RALYL: variants seen among roughly 807,000 people sequenced by gnomAD.
The protein encoded by RALYL is RALY RNA binding protein like.
In RALYL, 29 loss-of-function variants were observed where a neutral mutation model predicts 35.1. That is an observed-to-expected ratio of 0.83 (90% CI 0.61 to 1.13). The LOEUF (loss-of-function observed/expected upper bound fraction) is 1.13. Among genes scored for constraint, RALYL ranks in the 50% most tolerant of loss-of-function variants. RALYL has a pLI of 0.00. For synonymous variants in RALYL, 120 were observed against 127.6 expected (o/e 0.94, Z 0.40); for missense variants, 359 against 360.4 (o/e 1.00, Z 0.03).
chr8:84,670,138 A>T (rs1048339319), intron 2 of RALYL, among the ~76,000 whole-genome samples: 1 of 152,050 alleles, frequency 6.6e-6, no homozygotes, highest in South Asian at 2.1e-4. Flanking sequence ...AAAACTAATA[A>T]TAACCTCCCA....
At chr8:84,499,429 A>G (rs2056429148) in intron 1 of RALYL, among the ~76,000 whole-genome samples, 2 of 152,218 alleles carry the variant, frequency 1.3e-5, no homozygotes, top group Admixed American at 6.5e-5. Flanking sequence ...GGAAACATCG[A>G]AAATAACTGA....
At chr8:84,634,485 T>C (rs748521672) in intron 2 of RALYL, among the ~76,000 whole-genome samples, 6 of 151,918 alleles carry the variant, frequency 3.9e-5, no homozygotes, top group African/African-American at 9.7e-5. Context: ...ATATTCGTCC[T>C]ATTGGACTGT....
At chr8:84,888,524 C>A (rs553835929) in intron 8 of RALYL, among the ~76,000 whole-genome samples, 1 of 152,042 alleles carries the variant, frequency 6.6e-6, no homozygotes, top group Non-Finnish European at 1.5e-5. Flanking sequence ...GTATATATGT[C>A]GCCAACTTCC....
chr8:84,192,910 G>GC lies in RALYL; in HGVS notation c.-24+8486_-24+8487insC, dbSNP rs970373950. 5.5e-5 allele frequency among the ~76,000 whole-genome samples: 8 copies of GC among 146,526 alleles called. 1 individual carries two copies. Among genetic ancestry groups the GC allele is most frequent in the African/African-American group, 2.0e-4 (8 of 39,128 alleles). On this transcript the variant is annotated intron_variant, in intron 1 of 8. Coordinates refer to ENST00000521268, the MANE Select transcript of RALYL (RefSeq NM_173848.7). ...GAGTGTGTGTGTGTGTGTGTGTGGGGGGGGGGGTTGTGTACGTGTATATGT... is the reference window on the plus strand; with the variant it reads ...GAGTGTGTGTGTGTGTGTGTGTGGGGCGGGGGGGTTGTGTACGTGTATATGT...
chr8:84,323,824 T>C (rs1586282107), intron 1 of RALYL, among the ~76,000 whole-genome samples: 1 of 152,230 alleles, frequency 6.6e-6, no homozygotes, highest in East Asian at 1.9e-4. Flanking sequence ...AAAATTTAAA[T>C]ATGCCATCTT....
At chr8:84,587,782 G>T (rs1032011217) in intron 2 of RALYL, among the ~76,000 whole-genome samples, 19 of 152,156 alleles carry the variant, frequency 1.2e-4, no homozygotes, top group African/African-American at 3.6e-4. Flanking sequence ...CTCCAAAACT[G>T]AGAGCATCAG....
intron 1 of RALYL, among the ~76,000 whole-genome samples, chr8:84,372,894 T>TG (rs1563809065): frequency 9.6e-5 from 12 of 125,098 alleles, no homozygotes; most frequent in African/African-American, 1.6e-4. Flanking sequence ...CTGTTTTTTT[T>TG]TTTTTTTTTT....
chr8:84,263,571 A>C (rs1832703443), intron 1 of RALYL, among the ~76,000 whole-genome samples: 1 of 152,218 alleles, frequency 6.6e-6, no homozygotes, highest in African/African-American at 2.4e-5. Flanking sequence ...CTATTAGGTT[A>C]GTATTGAAGA....
Position 84,804,032 on chromosome 8 carries a change from G to C in RALYL, c.333-738G>C, listed in dbSNP as rs1192012212. Among the ~76,000 whole-genome samples the C allele has an allele frequency of 2.0e-5, 3 of 152,072 alleles. No individual in the cohort carries two copies. In the East Asian group the frequency reaches 5.8e-4, roughly 29 times the overall value. ...ATTATCTAGGAACTATTTAGAAGTG[G>C]ATGCTTTCCTGATTTACTTACATGT... On this transcript the variant is annotated intron_variant, in intron 3 of 8. Coordinates refer to ENST00000521268, the MANE Select transcript of RALYL (RefSeq NM_173848.7).
At chr8:84,769,846 A>G (rs1815001881) in intron 2 of RALYL, among the ~76,000 whole-genome samples, 1 of 152,112 alleles carries the variant, frequency 6.6e-6, no homozygotes, top group African/African-American at 2.4e-5. Context: ...TATTAGTTAT[A>G]AATTACATAC....
chr8:84,456,648 A>G (rs944272835), intron 1 of RALYL, among the ~76,000 whole-genome samples: 2 of 152,020 alleles, frequency 1.3e-5, no homozygotes, highest in African/African-American at 2.4e-5. Flanking sequence ...CGTTCCTACT[A>G]TGGCACAGGC....
At chr8:84,817,721 A>G (rs1827686385) in intron 4 of RALYL, among the ~76,000 whole-genome samples, 1 of 151,832 alleles carries the variant, frequency 6.6e-6, no homozygotes, top group Non-Finnish European at 1.5e-5. Flanking sequence ...CACCTGGCTA[A>G]TTCTTATCTT....
chr8:84,490,649 TG>T (rs929000350), intron 1 of RALYL, among the ~76,000 whole-genome samples: 1 of 151,706 alleles, frequency 6.6e-6, no homozygotes, highest in African/African-American at 2.4e-5. Context: ...AGGAAGGAAG[TG>T]GGCATTTCCA....
intron 2 of RALYL, among the ~76,000 whole-genome samples, chr8:84,647,180 A>C (rs1413145451): frequency 6.6e-6 from 1 of 152,176 alleles, no homozygotes; most frequent in African/African-American, 2.4e-5. Context: ...GAAGATGTTA[A>C]TGAGAAAGTT....
intron 1 of RALYL, among the ~76,000 whole-genome samples, chr8:84,263,680 G>A (rs1281668196): frequency 1.3e-5 from 2 of 152,000 alleles, no homozygotes; most frequent in Non-Finnish European, 2.9e-5. Flanking sequence ...TGCCATAATG[G>A]TTTGCTGCAC....
rs6998618 is a variant in RALYL, at chr8:84,551,434, G to A, written c.256+21857G>A. Reference sequence around the variant, plus strand: ...TGGAGTGCACAAATTATTCCATATAGATGTGCTAGATGAAGATGGTATAAA... The same window carrying A: ...TGGAGTGCACAAATTATTCCATATAAATGTGCTAGATGAAGATGGTATAAA... On this transcript the variant is annotated intron_variant, in intron 2 of 8. Transcript: ENST00000521268. 2.8e-3 allele frequency among the ~76,000 whole-genome samples: 429 copies of A among 152,176 alleles called. 5 individuals carry two copies. Among genetic ancestry groups the A allele is most frequent in the African/African-American group, 0.01 (419 of 41,538 alleles).
At chr8:84,790,921 T>A (rs994217594) in intron 3 of RALYL, among the ~76,000 whole-genome samples, 6 of 152,186 alleles carry the variant, frequency 3.9e-5, no homozygotes. Flanking sequence ...TGTTTACAAT[T>A]TCATTTAGGT....
intron 2 of RALYL, among the ~76,000 whole-genome samples, chr8:84,567,613 C>T (rs1157120266): frequency 1.3e-5 from 2 of 150,920 alleles, no homozygotes; most frequent in Non-Finnish European, 1.5e-5. Context: ...TTGATGAGCA[C>T]TTAGGTTGGT....
chr8:84,615,235 A>C (rs974716659), intron 2 of RALYL, among the ~76,000 whole-genome samples: 1 of 151,690 alleles, frequency 6.6e-6, no homozygotes, highest in African/African-American at 2.4e-5. Flanking sequence ...TAATTTAGCT[A>C]GTCCCAGAGG....
Sources: gnomAD v4.1 joint callset for allele counts (sites outside exome capture counted in the v4.1 genomes callset) on GRCh38, gnomAD v4.1.1 for gene constraint, MANE v1.5 for transcripts, NCBI Gene and HGNC (gene_info 2026-07-23, HGNC 2026-07-21) for gene names.